TFEB: variants seen among roughly 807,000 people sequenced by gnomAD.
TFEB encodes the protein T-cell transcription factor EB.
TFEB carries 12 observed loss-of-function variants against 48.0 expected under a neutral mutation model. The observed-to-expected ratio is 0.25, with a 90% CI of 0.16 to 0.40. The LOEUF (loss-of-function observed/expected upper bound fraction) is 0.40. TFEB is among the 10% of genes least tolerant of loss of function. The pLI is 1.00. For missense variants in TFEB, 509 were observed against 640.3 expected (o/e 0.79, Z 2.21); for synonymous variants, 244 against 261.4 (o/e 0.93, Z 0.64).
At chr6:41,711,022 T>C (rs1222383720) in intron 1 of TFEB, among the ~76,000 whole-genome samples, 1 of 152,236 alleles carries the variant, frequency 6.6e-6, no homozygotes, top group Non-Finnish European at 1.5e-5. Flanking sequence ...CATCATCACC[T>C]GATAGCATAT....
intron 1 of TFEB, among the ~76,000 whole-genome samples, chr6:41,696,936 T>C (rs1437321540): frequency 6.6e-6 from 1 of 151,836 alleles, no homozygotes; most frequent in African/African-American, 2.4e-5. Context: ...CTTGGGGGAG[T>C]GTCTGGGAGG....
intron 8 of TFEB, 126 bp from the exon 9 acceptor site, chr6:41,685,204 G>T: frequency 1.6e-6 from 2 of 1,228,580 alleles, no homozygotes; most frequent in Non-Finnish European, 2.1e-6. Flanking sequence ...AAGTGTTTCC[G>T]CTGGAAGAAA....
chr6:41,714,172 TGC>T (rs1770621924), intron 1 of TFEB, among the ~76,000 whole-genome samples: 3 of 142,276 alleles, frequency 2.1e-5, no homozygotes, highest in Non-Finnish European at 3.0e-5. Context: ...TGTGCATGTG[TGC>T]GTGTGTGTGC....
upstream of TFEB, chr6:41,735,713 G>C: frequency 3.1e-6 from 1 of 322,132 alleles, no homozygotes; most frequent in Non-Finnish European, 4.5e-6. Flanking sequence ...AGTCCCGCTA[G>C]GCACGCCGGG....
At chr6:41,685,173 C>G in intron 8 of TFEB, 95 bp from the exon 9 acceptor site, 1 of 1,331,986 alleles carries the variant, frequency 7.5e-7, no homozygotes, top group Non-Finnish European at 9.7e-7. Flanking sequence ...CTTGCCCCTG[C>G]CCTACGGCAC....
intron 1 of TFEB, among the ~76,000 whole-genome samples, chr6:41,702,113 T>C (rs752901117): frequency 6.6e-6 from 1 of 152,038 alleles, no homozygotes; most frequent in Admixed American, 6.5e-5. Context: ...GTAGATGGCT[T>C]GTTGTCCCCT....
At chr6:41,719,449 T>G (rs773952945) in intron 1 of TFEB, among the ~76,000 whole-genome samples, 1 of 152,190 alleles carries the variant, frequency 6.6e-6, no homozygotes, top group African/African-American at 2.4e-5. Context: ...GGACCGCTGG[T>G]CTACCACTTC....
chr6:41,707,672 A>C (rs1415636991), intron 1 of TFEB, among the ~76,000 whole-genome samples: 1 of 152,210 alleles, frequency 6.6e-6, no homozygotes, highest in African/African-American at 2.4e-5. Flanking sequence ...GGATGGGAAC[A>C]GGTGGAGCCC....
intron 1 of TFEB, among the ~76,000 whole-genome samples, chr6:41,728,904 A>G (rs1771332560): frequency 6.6e-6 from 1 of 151,980 alleles, no homozygotes; most frequent in Non-Finnish European, 1.5e-5. Flanking sequence ...TGGTGTCTGC[A>G]TTTCTGGGCA....
upstream of TFEB, chr6:41,736,142 T>A (rs1771666878): frequency 6.2e-7 from 1 of 1,612,892 alleles, no homozygotes; most frequent in Non-Finnish European, 8.5e-7. Context: ...CACGCCCCAC[T>A]CACCAGCCTG....
intron 1 of TFEB, chr6:41,733,570 C>T: frequency 4.1e-6 from 4 of 976,814 alleles, no homozygotes; most frequent in Non-Finnish European, 4.9e-6. Flanking sequence ...CCCAGCTCTC[C>T]GGGCCCCGCG....
rs759967193 is a variant in TFEB at position 41,691,326 on chromosome 6, G to A, written c.-22-91C>T. 3.0e-5 allele frequency: 39 copies of A among 1,299,296 alleles called. No homozygotes were observed. Among genetic ancestry groups the A allele is most frequent in the East Asian group, 5.0e-5 (2 of 39,776 alleles). 80.5% of individuals were successfully genotyped at this position (1,299,296 alleles called of 1,614,324 possible). On this transcript the variant is annotated intron_variant, in intron 1 of 8. Transcript: ENST00000373033. The surrounding 1 kb of genome is among the most constrained non-coding windows in gnomAD (Gnocchi z 5.2). ...GGGGGAGGCCAGAATGACTGGGACC[G>A]CATCCATTTTAGAGGAGAAGACACC...
In TFEB at chr6:41,723,711, C is replaced by T. The variant is rs983420238; in HGVS notation, c.-23+11639G>A. 11 of 398,074 alleles carry T rather than the reference C, an allele frequency of 2.8e-5. No individual in the cohort carries two copies. The highest frequency in any genetic ancestry group is 1.3e-4 in the African/African-American group (6 of 47,538). 24.7% of individuals were successfully genotyped at this position (398,074 alleles called of 1,614,324 possible). A position where few individuals can be genotyped will look rare whatever the true frequency, so the allele number is the denominator to read the frequency against. Reference sequence around the variant, plus strand: ...GCGCCCCGACGGCACAGTCCCACACCGCAGCCTACCCAACACAGACTGCTT... The same window carrying T: ...GCGCCCCGACGGCACAGTCCCACACTGCAGCCTACCCAACACAGACTGCTT... On this transcript the variant is annotated intron_variant, in intron 1 of 8. Coordinates refer to ENST00000373033, the MANE Select transcript of TFEB (RefSeq NM_001271944.2). The surrounding 1 kb of genome is among the most constrained non-coding windows in gnomAD (Gnocchi z 6.0).
Position 41,723,465 on chromosome 6 carries a change from G to A in TFEB, c.-23+11885C>T, listed in dbSNP as rs1394143473. 37 of 1,288,562 alleles carry A rather than the reference G, an allele frequency of 2.9e-5. No individual in the cohort carries two copies. Among genetic ancestry groups the A allele is most frequent in the Non-Finnish European group, 3.3e-5 (33 of 988,182 alleles). The allele number at this position is 1,288,562 out of a possible 1,614,324, so 79.8% of individuals were successfully genotyped here. On this transcript the variant is annotated intron_variant, in intron 1 of 8. Transcript: ENST00000373033. The surrounding 1 kb of genome is among the most constrained non-coding windows in gnomAD (Gnocchi z 6.0). ...TGCACGCGTGTGCTCTCATACCTTCGAGAGGGCAGCCCCCTGGAAGGAGGC... is the reference window on the plus strand; with the variant it reads ...TGCACGCGTGTGCTCTCATACCTTCAAGAGGGCAGCCCCCTGGAAGGAGGC...
chr6:41,708,589 T>G (rs879726245), intron 1 of TFEB, among the ~76,000 whole-genome samples: 9 of 152,218 alleles, frequency 5.9e-5, no homozygotes, highest in Non-Finnish European at 1.0e-4. Context: ...CACACACATT[T>G]TATCAGCTTC....
intron 1 of TFEB, among the ~76,000 whole-genome samples, chr6:41,702,559 G>A (rs1315021467): frequency 1.3e-5 from 2 of 152,066 alleles, no homozygotes; most frequent in African/African-American, 4.8e-5. Flanking sequence ...CCACCCCAGC[G>A]AACCTGCTCA....
Position 41,697,408 on chromosome 6 carries a change from C to CAAAAAAAA in TFEB, c.-22-6181_-22-6174dup, listed in dbSNP as rs56059829. 3.4e-3 allele frequency among the ~76,000 whole-genome samples: 214 copies of CAAAAAAAA among 63,348 alleles called. 1 individual carries two copies. The highest frequency in any genetic ancestry group is 5.1e-3 in the East Asian group (10 of 1,964). 41.6% of individuals were successfully genotyped at this position (63,348 alleles called of 152,430 possible). A position where few individuals can be genotyped will look rare whatever the true frequency, so the allele number is the denominator to read the frequency against. ...GGGCAACAAGAGTGAAACTCCATCT[C>CAAAAAAAA]AAAAAAAAAAAAAAAAAAAGAATGA... On this transcript the variant is annotated intron_variant, in intron 1 of 8. Transcript: ENST00000373033.
intron 1 of TFEB, among the ~76,000 whole-genome samples, chr6:41,725,822 C>T (rs924840447): frequency 6.6e-6 from 1 of 152,214 alleles, no homozygotes; most frequent in African/African-American, 2.4e-5. Flanking sequence ...TACACACTCA[C>T]CATCATGGCA....
In TFEB at chr6:41,691,317, A is replaced by G. The variant is rs1374206619; in HGVS notation, c.-22-82T>C. The G allele has an allele frequency of 1.0e-5, 14 of 1,357,374 alleles. No homozygotes were observed. Among genetic ancestry groups the G allele is most frequent in the Admixed American group, 2.0e-5 (1 of 50,752 alleles). 84.1% of individuals were successfully genotyped at this position (1,357,374 alleles called of 1,614,324 possible). A position where few individuals can be genotyped will look rare whatever the true frequency, so the allele number is the denominator to read the frequency against. ...GGGCTGGCAGGGGGAGGCCAGAATG[A>G]CTGGGACCGCATCCATTTTAGAGGA... On this transcript the variant is annotated intron_variant, in intron 1 of 8. Transcript: ENST00000373033. The surrounding 1 kb of genome is among the most constrained non-coding windows in gnomAD (Gnocchi z 5.2).
Sources: allele counts gnomAD v4.1 joint callset (sites outside exome capture counted in the v4.1 genomes callset), GRCh38; gene constraint gnomAD v4.1.1; non-coding constraint Gnocchi (gnomAD v3.1); transcripts MANE v1.5; gene names NCBI Gene and HGNC (gene_info 2026-07-23, HGNC 2026-07-21).